The following COL6A5 variants were observed in gnomAD, a reference collection of about 807,000 sequenced individuals.
COL6A5 encodes the protein collagen alpha-5(VI) chain.
In COL6A5, 48 loss-of-function variants were observed where a neutral mutation model predicts 65.6. That is an observed-to-expected ratio of 0.73 (90% confidence interval 0.58 to 0.93). COL6A5 has a LOEUF of 0.93. COL6A5 is among the 40% of genes least tolerant of loss of function. The pLI is 0.00. For synonymous variants in COL6A5, 291 were observed against 322.8 expected (o/e 0.90, Z 1.05); for missense variants, 914 against 928.3 (o/e 0.98, Z 0.20).
At chr3:130,395,150 G>A in exon 8 of COL6A5, 1 of 1,551,686 alleles carries the variant, frequency 6.4e-7, no homozygotes, top group Non-Finnish European at 8.7e-7. Flanking sequence ...TCCAAGAATT[G>A]ACTTTGCCCT....
exon 3 of COL6A5, chr3:130,440,625 T>C (rs1291752000): frequency 1.2e-6 from 2 of 1,613,254 alleles, no homozygotes; most frequent in Non-Finnish European, 1.7e-6. Context: ...AGAAAAGAAT[T>C]TGTAAAAATG....
chr3:130,391,434 C>T (rs1337499139), exon 7 of COL6A5: 34 of 1,551,692 alleles, frequency 2.2e-5, no homozygotes, highest in Non-Finnish European at 3.0e-5. Context: ...GGAGGGAACA[C>T]CTACACTGCC....
chr3:130,468,742 G>C (rs1709875928), intron 5 of COL6A5, 53 bp from the exon 38 acceptor site: 2 of 1,297,866 alleles, frequency 1.5e-6, no homozygotes, highest in Non-Finnish European at 2.1e-6. Flanking sequence ...ATGACTAGGA[G>C]CTCCAAGCTT....
chr3:130,454,592 A>G (rs1253540304), intron 4 of COL6A5, among the ~76,000 whole-genome samples: 1 of 152,192 alleles, frequency 6.6e-6, no homozygotes, highest in African/African-American at 2.4e-5. Flanking sequence ...ACTTCTATTG[A>G]ATATGTTTTA....
exon 8 of COL6A5, chr3:130,395,414 G>T: frequency 6.5e-7 from 1 of 1,544,998 alleles, no homozygotes; most frequent in Non-Finnish European, 8.7e-7. Flanking sequence ...AAAGAATGTG[G>T]ATGTGAAAAA....
chr3:130,473,338 G>C (rs1179393361), intron 7 of COL6A5, among the ~76,000 whole-genome samples: 4 of 152,060 alleles, frequency 2.6e-5, no homozygotes, highest in African/African-American at 9.7e-5. Flanking sequence ...TACAGGAACT[G>C]TGTGGCAGTG....
chr3:130,409,357 A>C (rs1041544405), exon 18 of COL6A5: 2 of 1,548,284 alleles, frequency 1.3e-6, no homozygotes, highest in Non-Finnish European at 1.7e-6. Flanking sequence ...GCCCCTGGGC[A>C]GTATGGAGAG....
intron 4 of COL6A5, among the ~76,000 whole-genome samples, chr3:130,443,911 C>T (rs908886387): frequency 2.0e-5 from 3 of 152,132 alleles, no homozygotes; most frequent in African/African-American, 7.2e-5. Context: ...GAACTCTTAC[C>T]TGCCTTGTGT....
At chr3:130,384,547 G>C (rs1936112534) in intron 4 of COL6A5, among the ~76,000 whole-genome samples, 1 of 151,898 alleles carries the variant, frequency 6.6e-6, no homozygotes, top group Admixed American at 6.6e-5. Context: ...TCTGGAATTT[G>C]GTCTTTACTC....
intron 29 of COL6A5, among the ~76,000 whole-genome samples, chr3:130,424,216 C>T (rs991937382): frequency 9.9e-5 from 15 of 152,032 alleles, no homozygotes; most frequent in Non-Finnish European, 1.8e-4. Flanking sequence ...AAGTACAATG[C>T]AAATAGTTAA....
At chr3:130,439,383 A>C (rs1709115081) in intron 1 of COL6A5, 139 bp from the exon 34 acceptor site, 3 of 564,940 alleles carry the variant, frequency 5.3e-6, no homozygotes, top group Non-Finnish European at 9.5e-6. Context: ...GTGTGTGAAC[A>C]TGCACTGAAT....
At chr3:130,437,264 T>C (rs1026562936) in intron 1 of COL6A5, among the ~76,000 whole-genome samples, 3 of 152,154 alleles carry the variant, frequency 2.0e-5, no homozygotes, top group African/African-American at 7.2e-5. Context: ...TACTTATTGG[T>C]AAATATAGCA....
intron 1 of COL6A5, among the ~76,000 whole-genome samples, chr3:130,356,555 C>T (rs970017107): frequency 3.3e-5 from 5 of 150,098 alleles, no homozygotes; most frequent in Non-Finnish European, 5.9e-5. Context: ...ACTTTTGCAC[C>T]GACCTAATAT....
exon 6 of COL6A5, chr3:130,388,734 C>T: frequency 1.9e-6 from 3 of 1,551,264 alleles, no homozygotes; most frequent in Non-Finnish European, 2.6e-6. Context: ...TTGTTCAGTT[C>T]AGTGATAAAA....
intron 7 of COL6A5, among the ~76,000 whole-genome samples, chr3:130,394,029 G>T (rs1440042263): frequency 6.6e-6 from 1 of 152,148 alleles, no homozygotes; most frequent in Non-Finnish European, 1.5e-5. Context: ...GTGACCGTGG[G>T]TAACCTACTG....
intron 1 of COL6A5, among the ~76,000 whole-genome samples, chr3:130,371,049 A>C (rs749464150): frequency 2.6e-5 from 4 of 152,170 alleles, no homozygotes; most frequent in Non-Finnish European, 5.9e-5. Context: ...ATGTATACAC[A>C]GCTCTGAACA....
exon 8 of COL6A5, chr3:130,395,344 T>G (rs1045717649): frequency 6.5e-7 from 1 of 1,550,250 alleles, no homozygotes; most frequent in Non-Finnish European, 8.7e-7. Flanking sequence ...ATAAGGAACA[T>G]CTCCTGCCAA....
intron 4 of COL6A5, among the ~76,000 whole-genome samples, chr3:130,451,799 C>T (rs541269248): frequency 4.5e-4 from 69 of 151,924 alleles, no homozygotes; most frequent in East Asian, 2.7e-3. Flanking sequence ...AAGGCTGTGC[C>T]AGAGAGGAAG....
chr3:130,478,506 C>T lies in COL6A5; in HGVS notation c.2329-5529C>T, dbSNP rs748858679. Among the ~76,000 whole-genome samples, 7 of 152,146 alleles carry T rather than the reference C, an allele frequency of 4.6e-5. No individual in the cohort carries two copies. In the East Asian group the frequency reaches 1.4e-3, roughly 29 times the overall value. On this transcript the variant is annotated intron_variant, in intron 7 of 7. Coordinates refer to ENST00000512836, the Ensembl canonical transcript of COL6A5. ...GATTTCAAAAGCTAGTCTTAAAAGGCTCCATCTACCTGAGAATGTATTTGT... is the reference window on the plus strand; with the variant it reads ...GATTTCAAAAGCTAGTCTTAAAAGGTTCCATCTACCTGAGAATGTATTTGT...
Sources: allele counts gnomAD v4.1 joint callset (sites outside exome capture counted in the v4.1 genomes callset), GRCh38; gene constraint gnomAD v4.1.1; transcripts MANE v1.5; gene names NCBI Gene and HGNC (gene_info 2026-07-23, HGNC 2026-07-21).